SPRR2A: variants seen among roughly 807,000 people sequenced by gnomAD.
The protein encoded by SPRR2A is small proline rich protein 2A, also known as small proline-rich protein 2A.
Under a neutral mutation model 1.2 loss-of-function variants are expected in SPRR2A, and 3 were observed. The ratio of observed to expected loss-of-function variants is 2.56; its 90% CI spans 1.17 to 6.62. The LOEUF (loss-of-function observed/expected upper bound fraction) is 6.62. Ranked by LOEUF, SPRR2A falls within the 30% of genes most tolerant of loss-of-function variation. The pLI, the probability that SPRR2A is intolerant of heterozygous loss-of-function variation, is 0.02. For synonymous variants in SPRR2A, 31 were observed against 33.1 expected, an observed-to-expected ratio of 0.94 and a Z score of 0.21; for missense variants, 66 against 87.8, an observed-to-expected ratio of 0.75 and a Z score of 0.99.
intron 1 of SPRR2A, 97 bp from the exon 2 acceptor site, chr1:153,056,851 T>C: frequency 6.6e-7 from 1 of 1,525,024 alleles, no homozygotes; most frequent in Non-Finnish European, 8.8e-7. Context: ...TTCTCCAATC[T>C]CCAAGAAATT....
chr1:153,057,009 T>C (rs1654366847), intron 1 of SPRR2A, among the ~76,000 whole-genome samples: 1 of 152,156 alleles, frequency 6.6e-6, no homozygotes, highest in Non-Finnish European at 1.5e-5. Context: ...AGCATCTTAT[T>C]TCCCTGAAAA....
In SPRR2A at chr1:153,056,238, T is replaced by A. The variant is rs1654341329; in HGVS notation, c.*279A>T. On this transcript the variant is annotated 3_prime_UTR_variant, in exon 2 of 2. Transcript: ENST00000392653. ...CACATCAACAGAATTCTCTGATGGTTCCCAGGGAGAGAGCTGCTGCTCTTT... is the reference window on the plus strand; with the variant it reads ...CACATCAACAGAATTCTCTGATGGTACCCAGGGAGAGAGCTGCTGCTCTTT... 1 of 558,390 alleles carries A rather than the reference T, an allele frequency of 1.8e-6. No homozygotes were observed. The highest frequency in any genetic ancestry group is 3.1e-6 in the Non-Finnish European group (1 of 324,802). 34.6% of individuals were successfully genotyped at this position (558,390 alleles called of 1,614,324 possible).
rs1654353157 is a variant in SPRR2A at position 153,056,551 on chromosome 1, G to A, written c.185C>T (p.Pro62Leu). 6.2e-7 allele frequency: 1 copy of A among 1,612,228 alleles called. No homozygotes were observed. Among genetic ancestry groups the A allele is most frequent in the Non-Finnish European group, 8.5e-7 (1 of 1,179,866 alleles). ...CTTCGGTGGATACTTTGACTGGCAG[G>A]GTGGGGAAGGTGTCACAGGAGGATA... ...QKYPPVTPSP[P>L]CQSKYPPKSK is the part of the protein sequence containing the mutation. The change falls in exon 2 of 2, where the codon CCC becomes CTC. Residue 62 changes from proline (P) to leucine (L), a missense_variant. Coordinates refer to ENST00000392653, the MANE Select transcript of SPRR2A (RefSeq NM_005988.3).
chr1:153,056,907 T>G (rs944031480), intron 1 of SPRR2A, among the ~76,000 whole-genome samples, 153 bp from the exon 2 acceptor site: 1 of 152,232 alleles, frequency 6.6e-6, no homozygotes, highest in Non-Finnish European at 1.5e-5. Context: ...GTTTCTCCCT[T>G]CCACTTTAAC....
At chr1:153,056,971 A>G (rs1654366020) in intron 1 of SPRR2A, among the ~76,000 whole-genome samples, 1 of 152,180 alleles carries the variant, frequency 6.6e-6, no homozygotes, top group African/African-American at 2.4e-5. Context: ...AATTTTTCCA[A>G]ATAAATTATC....
chr1:153,056,141 C>T lies in SPRR2A; in HGVS notation c.*376G>A, dbSNP rs777759791. On this transcript the variant is annotated 3_prime_UTR_variant, in exon 2 of 2. Transcript: ENST00000392653. ...AATATATATGCATAGATACTTTATTCAGGGAGTGAAAGATAAGTGACAATT... is the reference window on the plus strand; with the variant it reads ...AATATATATGCATAGATACTTTATTTAGGGAGTGAAAGATAAGTGACAATT... 1.2e-3 allele frequency: 493 copies of T among 413,066 alleles called. 4 individuals are homozygous for T. Among genetic ancestry groups the T allele is most frequent in the Non-Finnish European group, 1.3e-3 (314 of 232,928 alleles). The allele number at this position is 413,066 out of a possible 1,614,324, so 25.6% of individuals were successfully genotyped here. A position where few individuals can be genotyped will look rare whatever the true frequency, so the allele number is the denominator to read the frequency against.
chr1:153,056,811 C>A, intron 1 of SPRR2A, 57 bp from the exon 2 acceptor site: 1 of 1,600,332 alleles, frequency 6.2e-7, no homozygotes, highest in South Asian at 1.1e-5. Flanking sequence ...AGAGAGAAGC[C>A]AAAGCTTGTG....
intron 1 of SPRR2A, among the ~76,000 whole-genome samples, chr1:153,057,083 A>G (rs1359894582): frequency 3.9e-5 from 6 of 152,148 alleles, no homozygotes; most frequent in African/African-American, 1.4e-4. Context: ...TGCTATTCCT[A>G]TCATCATTAT....
At position 153,056,661 on chromosome 1, in the gene SPRR2A, C is replaced by T. The variant is rs3737864; in HGVS notation, c.75G>A (p.Glu25=). 0.41 allele frequency: 653,176 copies of T among 1,610,198 alleles called. 141,883 individuals carry two copies. Among genetic ancestry groups the T allele is most frequent in the Non-Finnish European group, 0.46 (536,506 of 1,178,940 alleles). ...PPVCPTPKCP[E]PCPPPKCPEP... ...CAGGGCACTTCGGGGGTGGACATGG[C>T]TCTGGGCACTTTGGCGTGGGGCACA... Residue 25 remains glutamate, a synonymous_variant, in exon 2 of 2, where the codon GAG becomes GAA. Coordinates refer to ENST00000392653, the MANE Select transcript of SPRR2A (RefSeq NM_005988.3).
At chr1:153,057,012 C>T (rs1466497391) in intron 1 of SPRR2A, among the ~76,000 whole-genome samples, 1 of 151,986 alleles carries the variant, frequency 6.6e-6, no homozygotes, top group Admixed American at 6.6e-5. Context: ...ATCTTATTTC[C>T]CTGAAAATAA....
At chr1:153,056,825 T>C (rs1654363873) in intron 1 of SPRR2A, 71 bp from the exon 2 acceptor site, 2 of 1,586,676 alleles carry the variant, frequency 1.3e-6, no homozygotes, top group Non-Finnish European at 1.7e-6. Flanking sequence ...GCTTGTGTAA[T>C]ACCATGGCAT....
rs1654359822 is a variant in SPRR2A, at chr1:153,056,703, G to A, written c.33C>T (p.Pro11=). The A allele has an allele frequency of 1.9e-6, 3 of 1,610,228 alleles. No homozygotes were observed. The highest frequency in any genetic ancestry group is 2.5e-6 in the Non-Finnish European group (3 of 1,179,438). ...TGGGGCACACAGGAGGTGGCTGGCA[G>A]GGCTGCTTGCACTGCTGCTGTTGAT... is the stretch of plus-strand genomic sequence containing the variant. MSYQQQQCKQ[P]CQPPPVCPTP... The change falls in exon 2 of 2, where the codon CCC becomes CCT. Residue 11 remains proline, a synonymous_variant. Coordinates refer to ENST00000392653, the MANE Select transcript of SPRR2A (RefSeq NM_005988.3).
Position 153,056,633 on chromosome 1 carries a change from G to A in SPRR2A, c.103C>T (p.Pro35Ser). The A allele has an allele frequency of 4.3e-6, 7 of 1,611,094 alleles. No individual in the cohort carries two copies. The highest frequency in any genetic ancestry group is 5.9e-6 in the Non-Finnish European group (7 of 1,179,258). Residue 35 changes from proline to serine, a missense_variant, in exon 2 of 2, where the codon CCC (proline) becomes TCC (serine). Transcript: ENST00000392653. Reference protein sequence around the residue: ...EPCPPPKCPEPCPPPKCPQPC... With the variant: ...EPCPPPKCPESCPPPKCPQPC... ...TGTGGACACTTTGGTGGTGGGCAGG[G>A]CTCAGGGCACTTCGGGGGTGGACAT... is the stretch of plus-strand genomic sequence containing the variant.
At chr1:153,056,837 T>A (rs1450454158) in intron 1 of SPRR2A, 83 bp from the exon 2 acceptor site, 2 of 1,570,234 alleles carry the variant, frequency 1.3e-6, no homozygotes, top group Middle Eastern at 4.6e-4. Flanking sequence ...CCATGGCATA[T>A]TATTTCTCCA....
rs1654344972 is a variant in SPRR2A, at chr1:153,056,366, C to T, written c.*151G>A. ...CCTCAGAAAAGAAACTTTTTGCTGT[C>T]AGGGATCATCATGGGCAGATTACTG... is the stretch of plus-strand genomic sequence containing the variant. On this transcript the variant is annotated 3_prime_UTR_variant, in exon 2 of 2. Transcript: ENST00000392653. 1 of 1,383,672 alleles carries T rather than the reference C, an allele frequency of 7.2e-7. No homozygotes were observed. The highest frequency in any genetic ancestry group is 2.7e-5 in the Admixed American group (1 of 36,746). 85.7% of individuals were successfully genotyped at this position (1,383,672 alleles called of 1,614,324 possible).
rs1444680317 is a variant in SPRR2A at position 153,056,560 on chromosome 1, G to A, written c.176C>T (p.Pro59Leu). 7.4e-6 allele frequency: 12 copies of A among 1,612,220 alleles called. No individual in the cohort carries two copies. In the East Asian group the frequency reaches 1.6e-4, roughly 21 times the overall value. Residue 59 changes from proline (P) to leucine (L), a missense_variant, in exon 2 of 2, where the codon CCT (proline) becomes CTT (leucine). By Grantham distance (98) the Pro-to-Leu change is moderately conservative. Transcript: ENST00000392653. ...ATACTTTGACTGGCAGGGTGGGGAA[G>A]GTGTCACAGGAGGATATTTCTGCTG... The part of the protein sequence containing the change: ...QCQQKYPPVT[P>L]SPPCQSKYPP...
rs549434478 is a variant in SPRR2A at position 153,056,423 on chromosome 1, T to C, written c.*94A>G. On this transcript the variant is annotated 3_prime_UTR_variant, in exon 2 of 2. Transcript: ENST00000392653. ...GAGAAAGAAGCTCCCTGTGTATCCA[T>C]GGTAGGCTTTGATGAGAAGATGAAG... 1.9e-5 allele frequency: 29 copies of C among 1,544,340 alleles called. No individual in the cohort carries two copies. The highest frequency in any genetic ancestry group is 2.4e-4 in the Middle Eastern group (1 of 4,082).
chr1:153,056,932 T>G (rs1654365655), intron 1 of SPRR2A, among the ~76,000 whole-genome samples, 178 bp from the exon 2 acceptor site: 1 of 152,244 alleles, frequency 6.6e-6, no homozygotes, highest in South Asian at 2.1e-4. Flanking sequence ...TGCTTCATTG[T>G]CCCTAGGAAA....
In SPRR2A at chr1:153,056,539, T is replaced by A; in HGVS notation, c.197A>T (p.Lys66Met). The A allele has an allele frequency of 7.4e-6, 12 of 1,612,342 alleles. No homozygotes were observed. The highest frequency in any genetic ancestry group is 1.0e-5 in the Non-Finnish European group (12 of 1,179,852). The change falls in exon 2 of 2, where the codon AAG becomes ATG. Residue 66 changes from lysine (K) to methionine (M), a missense_variant. Transcript: ENST00000392653. ...CTGTTACTTGCTCTTCGGTGGATAC[T>A]TTGACTGGCAGGGTGGGGAAGGTGT... ...PVTPSPPCQS[K>M]YPPKSK
Sources: gnomAD v4.1 joint callset for allele counts (sites outside exome capture counted in the v4.1 genomes callset) on GRCh38, gnomAD v4.1.1 for gene constraint, MANE v1.5 for transcripts, NCBI Gene and HGNC (gene_info 2026-07-23, HGNC 2026-07-21) for gene names.